RANBP9: variants seen among roughly 807,000 people sequenced by gnomAD.
RANBP9 encodes the protein RAN binding protein 9.
A neutral mutation model predicts 84.3 loss-of-function variants in RANBP9; 15 were observed. The ratio of observed to expected loss-of-function variants is 0.18; its 90% CI spans 0.12 to 0.27. The LOEUF is 0.27. Among genes scored for constraint, RANBP9 ranks in the 10% least tolerant of loss-of-function variants. RANBP9 has a pLI of 1.00. For missense variants in RANBP9, 809 were observed against 912.8 expected (o/e 0.89, Z 1.46); for synonymous variants, 392 against 349.6 (o/e 1.12, Z -1.35).
In RANBP9 at chr6:13,622,292, TCAG is replaced by T. The variant is rs1022786577; in HGVS notation, c.*67_*69del. On this transcript the variant is annotated 3_prime_UTR_variant, in exon 14 of 14. Transcript: ENST00000011619. ...TAATTTAAAAAATCTAAATTTCAAA[TCAG>T]CAGAGCTGGTCTACTTCCATGTTGA... 2 of 1,350,554 alleles carry T rather than the reference TCAG, an allele frequency of 1.5e-6. No homozygotes were observed. Among genetic ancestry groups the T allele is most frequent in the Non-Finnish European group, 1.9e-6 (2 of 1,037,386 alleles). The allele number at this position is 1,350,554 out of a possible 1,614,324, so 83.7% of individuals were successfully genotyped here.
chr6:13,667,536 T>C (rs1294120879), intron 2 of RANBP9, among the ~76,000 whole-genome samples: 4 of 152,216 alleles, frequency 2.6e-5, no homozygotes, highest in Non-Finnish European at 5.9e-5. Context: ...TGTACAACAA[T>C]AGTCCTATAA....
chr6:13,669,896 T>C (rs1388437021), intron 2 of RANBP9, among the ~76,000 whole-genome samples: 3 of 151,844 alleles, frequency 2.0e-5, no homozygotes, highest in African/African-American at 7.3e-5. Flanking sequence ...ATCTGGTAGA[T>C]GAATTGATTT....
chr6:13,699,806 G>A (rs1757922750), intron 1 of RANBP9, among the ~76,000 whole-genome samples: 1 of 151,994 alleles, frequency 6.6e-6, no homozygotes, highest in African/African-American at 2.4e-5. Flanking sequence ...AAGTTGCAAG[G>A]GCCTGACAGC....
At chr6:13,634,369 GT>G in intron 11 of RANBP9, 61 bp downstream of exon 11, 1 of 1,563,094 alleles carries the variant, frequency 6.4e-7, no homozygotes, top group Admixed American at 1.8e-5. Context: ...ATCAGTACAA[GT>G]AAAAACATAA....
At chr6:13,704,809 C>T (rs921541905) in intron 1 of RANBP9, among the ~76,000 whole-genome samples, 2 of 152,160 alleles carry the variant, frequency 1.3e-5, no homozygotes, top group African/African-American at 4.8e-5. Context: ...TCCTACTCAT[C>T]TTTTAAGACT....
chr6:13,659,240 CCCCACACACACACACATACACACA>C (rs1262624575), intron 2 of RANBP9, among the ~76,000 whole-genome samples: 5 of 109,970 alleles, frequency 4.5e-5, no homozygotes, highest in Non-Finnish European at 4.0e-5. Flanking sequence ...CAAATTTAGA[CCCCACACACACACACATACACACA>C]CACACACACA....
intron 2 of RANBP9, among the ~76,000 whole-genome samples, chr6:13,666,484 T>C (rs1765649597): frequency 1.3e-5 from 2 of 149,250 alleles, no homozygotes; most frequent in South Asian, 2.1e-4. Context: ...TATTAAGGAA[T>C]AGGCCAGGCA....
intron 3 of RANBP9, among the ~76,000 whole-genome samples, chr6:13,657,509 A>G (rs926591123): frequency 6.6e-6 from 1 of 152,224 alleles, no homozygotes; most frequent in Non-Finnish European, 1.5e-5. Context: ...TTAAACAGAG[A>G]GAACCCCCTA....
chr6:13,661,048 G>A (rs1045150589), intron 2 of RANBP9, among the ~76,000 whole-genome samples: 2 of 152,190 alleles, frequency 1.3e-5, no homozygotes, highest in African/African-American at 4.8e-5. Flanking sequence ...TGTTCCATAA[G>A]AGGAGTATTA....
intron 10 of RANBP9, 124 bp downstream of exon 10, chr6:13,637,684 G>T: frequency 1.1e-6 from 1 of 951,418 alleles, no homozygotes; most frequent in South Asian, 2.3e-5. Context: ...TATTCTCTGG[G>T]GGCTTAAGAA....
chr6:13,630,585 G>A (rs377417473), intron 12 of RANBP9, among the ~76,000 whole-genome samples: 1 of 151,876 alleles, frequency 6.6e-6, no homozygotes, highest in African/African-American at 2.4e-5. Context: ...GTATGATTCA[G>A]GGACACCTGG....
intron 2 of RANBP9, among the ~76,000 whole-genome samples, chr6:13,664,869 C>T (rs1765613518): frequency 6.6e-6 from 1 of 152,148 alleles, no homozygotes; most frequent in Non-Finnish European, 1.5e-5. Context: ...CAAAACATAG[C>T]ATGGGCTGAG....
intron 5 of RANBP9, among the ~76,000 whole-genome samples, chr6:13,645,607 G>A (rs1422672516): frequency 6.6e-6 from 1 of 152,176 alleles, no homozygotes; most frequent in Non-Finnish European, 1.5e-5. Flanking sequence ...CAGAGAAAAT[G>A]AGGATTCAAG....
At chr6:13,669,321 CAACACA>C (rs1347392016) in intron 2 of RANBP9, among the ~76,000 whole-genome samples, 2 of 152,196 alleles carry the variant, frequency 1.3e-5, no homozygotes, top group East Asian at 3.9e-4. Context: ...TCTAGAGATT[CAACACA>C]AACCCTATCA....
At chr6:13,686,111 CCCCCG>C (rs1294239508) in intron 2 of RANBP9, among the ~76,000 whole-genome samples, 155 of 2,062 alleles carry the variant, frequency 0.075, 13 homozygotes, top group African/African-American at 0.1. Flanking sequence ...CCCCCCCCCC[CCCCCG>C]CCCCCCGAAA....
rs1766263746 is a variant in RANBP9 at position 13,689,027 on chromosome 6, C to T, written c.683+7758G>A. ...AAATGCTGGGCATGGTGACGCACAC[C>T]CATAGTCCCAGCTACCTGGGAGGCT... On this transcript the variant is annotated intron_variant, in intron 2 of 13. Coordinates refer to ENST00000011619, the MANE Select transcript of RANBP9 (RefSeq NM_005493.3). 2.8e-5 allele frequency among the ~76,000 whole-genome samples: 4 copies of T among 144,010 alleles called. No individual in the cohort carries two copies. In the South Asian group the frequency reaches 8.7e-4, roughly 31 times the overall value. 94.5% of individuals were successfully genotyped at this position (144,010 alleles called of 152,430 possible). A position where few individuals can be genotyped will look rare whatever the true frequency, so the allele number is the denominator to read the frequency against.
At chr6:13,687,431 T>C (rs1458403256) in intron 2 of RANBP9, among the ~76,000 whole-genome samples, 1 of 151,664 alleles carries the variant, frequency 6.6e-6, no homozygotes, top group Non-Finnish European at 1.5e-5. Context: ...GAGGCTGCAG[T>C]GAGCTATGAT....
At chr6:13,676,001 C>G (rs991088608) in intron 2 of RANBP9, among the ~76,000 whole-genome samples, 3 of 151,812 alleles carry the variant, frequency 2.0e-5, no homozygotes, top group African/African-American at 7.3e-5. Flanking sequence ...AATTAATAAC[C>G]TTTACAGAAA....
intron 2 of RANBP9, among the ~76,000 whole-genome samples, chr6:13,675,385 AAAC>A (rs1163620853): frequency 6.6e-6 from 1 of 152,204 alleles, no homozygotes; most frequent in Non-Finnish European, 1.5e-5. Flanking sequence ...TCTGGAGATT[AAAC>A]AACACATTTT....
Sources: allele counts gnomAD v4.1 joint callset (sites outside exome capture counted in the v4.1 genomes callset), GRCh38; gene constraint gnomAD v4.1.1; transcripts MANE v1.5; gene names NCBI Gene and HGNC (gene_info 2026-07-23, HGNC 2026-07-21).